The following FBXW7 variants were observed in gnomAD, a reference collection of about 807,000 sequenced individuals.
FBXW7 encodes the protein F-box and WD repeat domain containing 7.
In FBXW7, 11 loss-of-function variants were observed where a neutral mutation model predicts 86.3. The observed-to-expected ratio is 0.13, with a 90% confidence interval of 0.08 to 0.21. FBXW7 has a LOEUF of 0.21. Ranked by LOEUF, FBXW7 falls within the 10% of genes least tolerant of loss-of-function variation. The pLI is 1.00. For missense variants in FBXW7, 488 were observed against 847.4 expected (o/e 0.58, Z 5.27); for synonymous variants, 313 against 297.9 (o/e 1.05, Z -0.52).
chr4:152,448,100 T>C (rs1741575518), intron 2 of FBXW7, among the ~76,000 whole-genome samples: 1 of 152,186 alleles, frequency 6.6e-6, no homozygotes, highest in South Asian at 2.1e-4. Flanking sequence ...AAAGAAAAAC[T>C]AATCTAATCT....
chr4:152,452,307 G>A (rs913221650), intron 2 of FBXW7, among the ~76,000 whole-genome samples: 6 of 152,096 alleles, frequency 3.9e-5, no homozygotes, highest in Non-Finnish European at 5.9e-5. Flanking sequence ...GATCCAGAGA[G>A]CAAAACAAAT....
chr4:152,330,045 C>A (rs1268157660), intron 9 of FBXW7, among the ~76,000 whole-genome samples: 1 of 151,804 alleles, frequency 6.6e-6, no homozygotes, highest in African/African-American at 2.4e-5. Context: ...ATGGTTCAAA[C>A]ACCAATGTAT....
chr4:152,498,849 G>C (rs1436219898), intron 2 of FBXW7, among the ~76,000 whole-genome samples: 1 of 152,054 alleles, frequency 6.6e-6, no homozygotes, highest in Non-Finnish European at 1.5e-5. Context: ...GACAGCAAAG[G>C]ATTGCAGAGC....
intron 13 of FBXW7, chr4:152,323,520 T>C (rs1728730011): frequency 4.0e-6 from 1 of 247,608 alleles, no homozygotes. Flanking sequence ...CCCACCACCA[T>C]GAACCACTCA....
At chr4:152,414,691 T>C (rs976767758) in intron 2 of FBXW7, among the ~76,000 whole-genome samples, 1 of 152,114 alleles carries the variant, frequency 6.6e-6, no homozygotes, top group Non-Finnish European at 1.5e-5. Context: ...GAACATTACT[T>C]TTCCTTTTTT....
Position 152,411,575 on chromosome 4 carries a change from A to G in FBXW7, c.229T>C (p.Leu77=), listed in dbSNP as rs749115943. ...ATAAATCTATTATTGTTTTCTTCCA[A>G]CTGTCCTTGCTGGGAATCATTTTGG... is the stretch of plus-strand genomic sequence containing the variant. ...GGQNDSQQGQ[L]EENNNRFISV... The change falls in exon 4 of 14, where the codon TTG becomes CTG. Residue 77 remains leucine, a synonymous_variant. Transcript: ENST00000281708. The G allele has an allele frequency of 1.2e-6, 2 of 1,613,624 alleles. No homozygotes were observed. Among genetic ancestry groups the G allele is most frequent in the East Asian group, 2.2e-5 (1 of 44,868 alleles).
At chr4:152,426,042 C>A (rs1459715742) in intron 2 of FBXW7, among the ~76,000 whole-genome samples, 1 of 152,142 alleles carries the variant, frequency 6.6e-6, no homozygotes, top group Admixed American at 6.5e-5. Flanking sequence ...GGCTCTGTGT[C>A]GCTCTGAAAT....
intron 2 of FBXW7, among the ~76,000 whole-genome samples, chr4:152,528,566 A>G (rs1356970205): frequency 1.3e-5 from 2 of 152,244 alleles, no homozygotes; most frequent in African/African-American, 4.8e-5. Flanking sequence ...ATCCAGATCA[A>G]GTGCTCAAAC....
chr4:152,481,261 C>T (rs1447464859), intron 2 of FBXW7, among the ~76,000 whole-genome samples: 2 of 152,200 alleles, frequency 1.3e-5, no homozygotes, highest in Non-Finnish European at 2.9e-5. Context: ...GAAAGCACAT[C>T]TATTTAACAA....
chr4:152,456,370 A>AC (rs1560920268), intron 2 of FBXW7, among the ~76,000 whole-genome samples: 3 of 144,490 alleles, frequency 2.1e-5, no homozygotes, highest in Non-Finnish European at 4.5e-5. Context: ...TAAAAAAAAA[A>AC]AAAAAAAAAA....
chr4:152,466,837 G>T (rs930912268), intron 2 of FBXW7, among the ~76,000 whole-genome samples: 1 of 152,098 alleles, frequency 6.6e-6, no homozygotes, highest in Non-Finnish European at 1.5e-5. Context: ...AGCTACTCGG[G>T]AGGCTGAGGC....
chr4:152,504,550 A>C (rs1429236836), intron 2 of FBXW7, among the ~76,000 whole-genome samples: 1 of 152,180 alleles, frequency 6.6e-6, no homozygotes, highest in Admixed American at 6.5e-5. Flanking sequence ...TTCAAAGTCT[A>C]CTACATTCTA....
chr4:152,402,354 C>T (rs1737017515), intron 4 of FBXW7, among the ~76,000 whole-genome samples: 1 of 151,998 alleles, frequency 6.6e-6, no homozygotes. Flanking sequence ...AATCAAAGGG[C>T]TTAAGAGAGA....
chr4:152,508,670 A>G (rs2149710957), intron 2 of FBXW7, among the ~76,000 whole-genome samples: 1 of 152,048 alleles, frequency 6.6e-6, no homozygotes, highest in South Asian at 2.1e-4. Flanking sequence ...AAAAAAAGAA[A>G]AAAAAAACAG....
chr4:152,535,223 T>G lies in FBXW7; in HGVS notation c.-309A>C. The G allele has an allele frequency of 5.6e-6, 1 of 180,158 alleles. No individual in the cohort carries two copies. The highest frequency in any genetic ancestry group is 1.2e-5 in the Non-Finnish European group (1 of 86,474). The allele number at this position is 180,158 out of a possible 1,614,324, so 11.2% of individuals were successfully genotyped here. ...AGTCAGGTTTGGGAGACTCCGGATT[T>G]TGTTTTTGTAAAGTTTCCTCTGGGT... is the stretch of plus-strand genomic sequence containing the variant. On this transcript the variant is annotated 5_prime_UTR_variant, in exon 1 of 14. Coordinates refer to ENST00000281708, the MANE Select transcript of FBXW7 (RefSeq NM_001349798.2).
intron 4 of FBXW7, among the ~76,000 whole-genome samples, chr4:152,370,650 C>A (rs1306485232): frequency 6.6e-6 from 1 of 151,914 alleles, no homozygotes; most frequent in Non-Finnish European, 1.5e-5. Context: ...TCAATGGCCA[C>A]TTTCAACTAT....
chr4:152,362,794 T>A (rs532726388), intron 4 of FBXW7, among the ~76,000 whole-genome samples: 5 of 134,352 alleles, frequency 3.7e-5, no homozygotes, highest in African/African-American at 1.4e-4. Context: ...ACCACTGTAC[T>A]GCAGCCTGGG....
chr4:152,486,533 C>G (rs745507254), intron 2 of FBXW7, among the ~76,000 whole-genome samples: 1 of 152,034 alleles, frequency 6.6e-6, no homozygotes, highest in Non-Finnish European at 1.5e-5. Flanking sequence ...ATTAGACTAG[C>G]CCTACACAGG....
chr4:152,380,771 T>C (rs1446982535), intron 4 of FBXW7, among the ~76,000 whole-genome samples: 1 of 152,078 alleles, frequency 6.6e-6, no homozygotes, highest in East Asian at 1.9e-4. Flanking sequence ...AACTTGATTA[T>C]TAACATCTTA....
Sources: gnomAD v4.1 joint callset for allele counts (sites outside exome capture counted in the v4.1 genomes callset) on GRCh38, gnomAD v4.1.1 for gene constraint, MANE v1.5 for transcripts, NCBI Gene and HGNC (gene_info 2026-07-23, HGNC 2026-07-21) for gene names.